ZNF83: variants seen among roughly 807,000 people sequenced by gnomAD.
The protein encoded by ZNF83 is zinc finger protein 83, also known as zinc finger protein 816B.
For synonymous variants in ZNF83, 209 were observed against 213.0 expected (o/e 0.98, Z 0.17); for missense variants, 552 against 629.9 (o/e 0.88, Z 1.32).
At chr19:52,656,921 A>G (rs1259004279) in intron 2 of ZNF83, among the ~76,000 whole-genome samples, 10 of 151,834 alleles carry the variant, frequency 6.6e-5, no homozygotes, top group Non-Finnish European at 4.4e-5. Context: ...TCCTGGACAC[A>G]TTGCAAATCA....
At chr19:52,655,725 G>C in intron 2 of ZNF83, 2 of 826,846 alleles carry the variant, frequency 2.4e-6, no homozygotes, top group Non-Finnish European at 4.1e-6. Flanking sequence ...ACATTAGGGA[G>C]GAGTCATTAC....
intron 2 of ZNF83, among the ~76,000 whole-genome samples, chr19:52,630,600 T>C (rs140133599): frequency 0.013 from 2,013 of 152,196 alleles, 41 homozygotes; most frequent in African/African-American, 0.042. Flanking sequence ...ATCTCACTGC[T>C]GCCCTTCTCC....
chr19:52,627,943 T>G (rs1395568767), intron 2 of ZNF83, among the ~76,000 whole-genome samples: 1 of 152,116 alleles, frequency 6.6e-6, no homozygotes, highest in Non-Finnish European at 1.5e-5. Context: ...ACACTGTCTT[T>G]TGAAATTCCT....
intron 1 of ZNF83, among the ~76,000 whole-genome samples, chr19:52,683,323 A>G (rs1240490535): frequency 6.6e-6 from 1 of 150,764 alleles, no homozygotes; most frequent in Non-Finnish European, 1.5e-5. Context: ...CCAGTAGAGC[A>G]TCATCGCCAC....
intron 2 of ZNF83, among the ~76,000 whole-genome samples, chr19:52,626,893 A>C (rs755925595): frequency 6.6e-6 from 1 of 152,144 alleles, no homozygotes; most frequent in Non-Finnish European, 1.5e-5. Flanking sequence ...GAAGACAGGA[A>C]TGTCAGGCCT....
chr19:52,643,922 C>T (rs2061339971), intron 3 of ZNF83, among the ~76,000 whole-genome samples: 1 of 152,170 alleles, frequency 6.6e-6, no homozygotes, highest in Non-Finnish European at 1.5e-5. Context: ...GCAACTGTGA[C>T]TGGGGCAGAG....
chr19:52,658,036 T>C (rs2061529741), intron 2 of ZNF83, among the ~76,000 whole-genome samples: 1 of 149,294 alleles, frequency 6.7e-6, no homozygotes, highest in Admixed American at 6.7e-5. Context: ...TTCAAAAGGC[T>C]AAGGCAGGAG....
At chr19:52,657,027 G>A (rs2095665733) in intron 2 of ZNF83, among the ~76,000 whole-genome samples, 1 of 152,126 alleles carries the variant, frequency 6.6e-6, no homozygotes, top group African/African-American at 2.4e-5. Context: ...GAGGTGGGAG[G>A]ATTGCTTGAG....
intron 1 of ZNF83, among the ~76,000 whole-genome samples, chr19:52,668,290 A>C (rs2061680917): frequency 1.3e-5 from 2 of 152,254 alleles, no homozygotes; most frequent in South Asian, 4.2e-4. Flanking sequence ...GGGACACATC[A>C]CACCTGAGTC....
At chr19:52,673,601 T>C (rs2061757111) in intron 1 of ZNF83, among the ~76,000 whole-genome samples, 1 of 152,144 alleles carries the variant, frequency 6.6e-6, no homozygotes, top group South Asian at 2.1e-4. Context: ...AAAGCTGTTT[T>C]CCCAAGTAAT....
upstream of ZNF83, among the ~76,000 whole-genome samples, chr19:52,641,123 T>G (rs553016147): frequency 1.3e-5 from 2 of 149,896 alleles, no homozygotes; most frequent in African/African-American, 2.5e-5. Flanking sequence ...CCTTTCCCAT[T>G]GTATGGCCTG....
upstream of ZNF83, among the ~76,000 whole-genome samples, chr19:52,642,457 C>T (rs775445016): frequency 1.9e-4 from 28 of 151,298 alleles, no homozygotes; most frequent in Non-Finnish European, 7.4e-5. Context: ...TAGTAAAGAC[C>T]GGGTATCTCC....
At chr19:52,655,119 G>A (rs140746825) in intron 3 of ZNF83, 12 of 155,352 alleles carry the variant, frequency 7.7e-5, no homozygotes, top group South Asian at 2.0e-4. Flanking sequence ...TGCAGGAGGC[G>A]GAGGTTGCAA....
intron 1 of ZNF83, among the ~76,000 whole-genome samples, chr19:52,671,180 TTGCCATA>T (rs749493686): frequency 3.9e-5 from 6 of 152,122 alleles, no homozygotes; most frequent in Non-Finnish European, 5.9e-5. Flanking sequence ...ACTTTCTTCT[TTGCCATA>T]TGTTTTGTGG....
At chr19:52,620,268 C>G (rs376961897) in intron 2 of ZNF83, among the ~76,000 whole-genome samples, 32,647 of 119,418 alleles carry the variant, frequency 0.27, 4,269 homozygotes, top group East Asian at 0.57. Context: ...GTGTGTATAT[C>G]TCTGTGTGTG....
chr19:52,620,214 G>GT (rs1389323782), intron 2 of ZNF83, among the ~76,000 whole-genome samples: 2 of 137,270 alleles, frequency 1.5e-5, no homozygotes, highest in Non-Finnish European at 3.1e-5. Flanking sequence ...AAATATATAC[G>GT]TATGTGTGTA....
chr19:52,677,554 C>T (rs559832299), intron 1 of ZNF83, among the ~76,000 whole-genome samples: 9 of 151,768 alleles, frequency 5.9e-5, no homozygotes, highest in African/African-American at 1.7e-4. Flanking sequence ...AGCAGTTTTA[C>T]GTCTCTTAAA....
intron 2 of ZNF83, among the ~76,000 whole-genome samples, chr19:52,624,988 C>A (rs1196521053): frequency 6.6e-6 from 1 of 152,142 alleles, no homozygotes; most frequent in Admixed American, 6.6e-5. Flanking sequence ...AGATACCACA[C>A]CTGACCCCCA....
exon 3 of ZNF83, chr19:52,613,340 C>T (rs2060172201): frequency 1.2e-6 from 2 of 1,614,118 alleles, no homozygotes; most frequent in East Asian, 2.2e-5. Flanking sequence ...TGACTGAAGA[C>T]TTTGCCACAT....
Sources: allele counts gnomAD v4.1 joint callset (sites outside exome capture counted in the v4.1 genomes callset), GRCh38; gene constraint gnomAD v4.1.1; transcripts MANE v1.5; gene names NCBI Gene and HGNC (gene_info 2026-07-23, HGNC 2026-07-21).